TPO: variants seen among roughly 807,000 people sequenced by gnomAD.
TPO encodes the protein thyroid peroxidase.
A neutral mutation model predicts 96.9 loss-of-function variants in TPO; 78 were observed. The ratio of observed to expected loss-of-function variants is 0.81; its 90% CI spans 0.67 to 0.97. The LOEUF (loss-of-function observed/expected upper bound fraction) is 0.97. Among genes scored for constraint, TPO ranks in the 50% least tolerant of loss-of-function variants. TPO has a pLI of 0.00. For synonymous variants in TPO, 547 were observed against 538.0 expected, an observed-to-expected ratio of 1.02 and a Z score of -0.23; for missense variants, 1,252 against 1,274.8, an observed-to-expected ratio of 0.98 and a Z score of 0.27.
At chr2:1,432,672 G>A (rs1298518962) in intron 3 of TPO, among the ~76,000 whole-genome samples, 1 of 95,332 alleles carries the variant, frequency 1.0e-5, no homozygotes, top group African/African-American at 4.4e-5. Flanking sequence ...CAGGTGGGGT[G>A]AGGCCTGCAG....
chr2:1,471,438 T>TG (rs1669401341), intron 7 of TPO, among the ~76,000 whole-genome samples: 3 of 148,914 alleles, frequency 2.0e-5, no homozygotes, highest in East Asian at 2.0e-4. Flanking sequence ...TATTTTCCTG[T>TG]GACCCCCCCC....
chr2:1,487,454 G>A (rs1671274779), intron 9 of TPO, among the ~76,000 whole-genome samples: 1 of 152,194 alleles, frequency 6.6e-6, no homozygotes, highest in Non-Finnish European at 1.5e-5. Flanking sequence ...GAGCTATTGG[G>A]CTGGGCGCGG....
At chr2:1,480,272 T>A (rs1018023545) in intron 8 of TPO, among the ~76,000 whole-genome samples, 1 of 152,150 alleles carries the variant, frequency 6.6e-6, no homozygotes, top group Non-Finnish European at 1.5e-5. Context: ...AGTTAATAGG[T>A]CCTCTTTGGT....
chr2:1,521,484 C>T (rs1168149552), intron 15 of TPO, among the ~76,000 whole-genome samples: 2 of 152,102 alleles, frequency 1.3e-5, no homozygotes, highest in East Asian at 3.9e-4. Flanking sequence ...GACCCTCCTC[C>T]CCAGGGACCC....
In TPO at chr2:1,496,225, G is replaced by A. The variant is rs28991289; in HGVS notation, c.2215+28G>A. The A allele has an allele frequency of 3.4e-3, 5,414 of 1,605,266 alleles. 80 individuals are homozygous for A. In the East Asian group the frequency reaches 0.041, roughly 12 times the overall value. On this transcript the variant is annotated intron_variant, in intron 12 of 16. Coordinates refer to ENST00000329066, the MANE Select transcript of TPO (RefSeq NM_001206744.2). ...GAAGTTCGGTCTCCTCTCACACCAC[G>A]TTACAGCACGTGCATCTCATCAAAC... is the stretch of plus-strand genomic sequence containing the variant.
At chr2:1,422,344 C>CTTCGTGCAGGTGCCGCGCTGGACA (rs1558264301) in intron 2 of TPO, among the ~76,000 whole-genome samples, 42 of 77,604 alleles carry the variant, frequency 5.4e-4, no homozygotes, top group Middle Eastern at 7.5e-3. Flanking sequence ...TCTCCTGGAC[C>CTTCGTGCAGGTGCCGCGCTGGACA]GACCTCGTGC....
chr2:1,507,165 G>A (rs905258473), intron 14 of TPO, among the ~76,000 whole-genome samples: 1 of 152,130 alleles, frequency 6.6e-6, no homozygotes, highest in Admixed American at 6.5e-5. Flanking sequence ...TGTTGTTTTT[G>A]TCAGGTTTGT....
At position 1,433,695 on chromosome 2, in the gene TPO, T is replaced by C; in HGVS notation, c.349+88T>C. ...GTGCAGGGGCTGCTTGCTCAGGGCA[T>C]GTTTTTTACTTGAGACCAAGCAGGA... On this transcript the variant is annotated intron_variant, in intron 4 of 16. Transcript: ENST00000329066. 2.7e-6 allele frequency: 4 copies of C among 1,503,516 alleles called. No individual in the cohort carries two copies. The South Asian group carries it at 4.8e-5, about 18-fold the overall frequency. 93.1% of individuals were successfully genotyped at this position (1,503,516 alleles called of 1,614,324 possible).
chr2:1,527,628 C>G (rs924873484), intron 15 of TPO, among the ~76,000 whole-genome samples: 1 of 148,462 alleles, frequency 6.7e-6, no homozygotes, highest in East Asian at 2.2e-4. Context: ...GTCACCCCTA[C>G]TCTCTGCAGA....
chr2:1,542,288 G>T (rs1680853730), intron 16 of TPO, 133 bp from the exon 17 acceptor site: 2 of 1,225,830 alleles, frequency 1.6e-6, no homozygotes, highest in East Asian at 5.1e-5. Context: ...AAGCAAGAAG[G>T]ATGGCTCATC....
intron 15 of TPO, among the ~76,000 whole-genome samples, chr2:1,520,344 C>T (rs141894028): frequency 2.6e-5 from 4 of 152,116 alleles, no homozygotes; most frequent in Non-Finnish European, 4.4e-5. Context: ...CATTATTGTG[C>T]GGTGAGGAGT....
chr2:1,506,511 G>GT (rs1009501904), intron 14 of TPO, among the ~76,000 whole-genome samples: 2 of 152,190 alleles, frequency 1.3e-5, no homozygotes, highest in Non-Finnish European at 2.9e-5. Context: ...CAGTGTAAAA[G>GT]TGTTCCTATT....
chr2:1,471,358 T>A (rs1669390396), intron 7 of TPO, among the ~76,000 whole-genome samples: 1 of 152,140 alleles, frequency 6.6e-6, no homozygotes, highest in Admixed American at 6.5e-5. Context: ...TTTCTCACCC[T>A]CTTATGCTGA....
intron 13 of TPO, among the ~76,000 whole-genome samples, chr2:1,501,992 A>G (rs969156919): frequency 6.6e-6 from 1 of 152,164 alleles, no homozygotes; most frequent in African/African-American, 2.4e-5. Flanking sequence ...AAGCTGCTCC[A>G]AGGGAACTCC....
rs777843754 is a variant in TPO, at chr2:1,495,461, A to G, written c.2007-528A>G. On this transcript the variant is annotated intron_variant, in intron 11 of 16. Coordinates refer to ENST00000329066, the MANE Select transcript of TPO (RefSeq NM_001206744.2). Reference sequence around the variant, plus strand: ...GCCTGGAGGAAGAAGCTGAAGGTAGAGAGACTGTGCAGGGCACGTTGACTT... The same window carrying G: ...GCCTGGAGGAAGAAGCTGAAGGTAGGGAGACTGTGCAGGGCACGTTGACTT... Among the ~76,000 whole-genome samples the G allele has an allele frequency of 1.6e-4, 25 of 152,252 alleles. 1 individual carries two copies. The highest frequency in any genetic ancestry group is 2.2e-4 in the Non-Finnish European group (15 of 68,048).
At chr2:1,429,804 TGCA>T (rs1025209144) in intron 3 of TPO, among the ~76,000 whole-genome samples, 4 of 152,332 alleles carry the variant, frequency 2.6e-5, no homozygotes, top group Middle Eastern at 3.4e-3. Context: ...GAAATTTCTA[TGCA>T]GCAAAGAATT....
chr2:1,539,627 G>A (rs942615697), intron 15 of TPO, among the ~76,000 whole-genome samples: 2 of 152,164 alleles, frequency 1.3e-5, no homozygotes, highest in Admixed American at 1.3e-4. Context: ...TATGCGGAGG[G>A]CGCTGTGGTG....
Position 1,503,816 on chromosome 2 carries a change from C to G in TPO, c.2387-132C>G, listed in dbSNP as rs569874846. 3.2e-6 allele frequency: 5 copies of G among 1,552,166 alleles called. No homozygotes were observed. In the African/African-American group the frequency reaches 6.8e-5, roughly 21 times the overall value. Reference sequence around the variant, plus strand: ...CGGGAGCAGGGGGCGGCCGGTTCCCCCTAGACCAGGTGGGATGGCAGGCAA... The same window carrying G: ...CGGGAGCAGGGGGCGGCCGGTTCCCGCTAGACCAGGTGGGATGGCAGGCAA... On this transcript the variant is annotated intron_variant, in intron 13 of 16. Coordinates refer to ENST00000329066, the MANE Select transcript of TPO (RefSeq NM_001206744.2).
At chr2:1,445,293 A>C (rs1666671360) in intron 5 of TPO, among the ~76,000 whole-genome samples, 1 of 118,560 alleles carries the variant, frequency 8.4e-6, no homozygotes, top group Non-Finnish European at 1.8e-5. Context: ...ACCATGTTGG[A>C]AGGGAATGGG....
Sources: allele counts gnomAD v4.1 joint callset (sites outside exome capture counted in the v4.1 genomes callset), GRCh38; gene constraint gnomAD v4.1.1; transcripts MANE v1.5; gene names NCBI Gene and HGNC (gene_info 2026-07-23, HGNC 2026-07-21).